CNTN4: variants seen among roughly 807,000 people sequenced by gnomAD.
CNTN4 encodes contactin 4.
A neutral mutation model predicts 122.5 loss-of-function variants in CNTN4; 77 were observed. The observed-to-expected ratio is 0.63, with a 90% CI of 0.52 to 0.76. The LOEUF (loss-of-function observed/expected upper bound fraction) is 0.76, where lower values mean the gene tolerates loss of function less well. Ranked by LOEUF, CNTN4 falls within the 30% of genes least tolerant of loss-of-function variation. The pLI is 0.00. For synonymous variants in CNTN4, 512 were observed against 447.0 expected (o/e 1.15, Z -1.83); for missense variants, 1,256 against 1,259.1 (o/e 1.00, Z 0.04).
intron 4 of CNTN4, among the ~76,000 whole-genome samples, chr3:2,712,123 A>G (rs2087187682): frequency 6.6e-6 from 1 of 152,212 alleles, no homozygotes; most frequent in African/African-American, 2.4e-5. Flanking sequence ...AGAAATATGG[A>G]AAGTTGTTAT....
chr3:2,634,601 C>T (rs987326372), intron 4 of CNTN4, among the ~76,000 whole-genome samples: 5 of 151,186 alleles, frequency 3.3e-5, no homozygotes, highest in Non-Finnish European at 7.4e-5. Flanking sequence ...GAGGCCAAGG[C>T]AGGTGGGTCA....
intron 12 of CNTN4, among the ~76,000 whole-genome samples, chr3:2,918,835 C>T (rs186890118): frequency 2.6e-5 from 4 of 152,234 alleles, no homozygotes; most frequent in African/African-American, 9.6e-5. Flanking sequence ...TGGAAGTTCA[C>T]GAAGCCATTC....
At chr3:2,340,189 T>C (rs1470137184) in intron 3 of CNTN4, among the ~76,000 whole-genome samples, 1 of 152,200 alleles carries the variant, frequency 6.6e-6, no homozygotes, top group Non-Finnish European at 1.5e-5. Context: ...TTTAGGGACA[T>C]CTAATTCACT....
chr3:2,191,646 C>A (rs896063193), intron 2 of CNTN4, among the ~76,000 whole-genome samples: 3 of 151,934 alleles, frequency 2.0e-5, no homozygotes, highest in Middle Eastern at 3.4e-3. Flanking sequence ...CAACTGCCTA[C>A]AACTGAACTG....
At chr3:2,735,200 T>G (rs1022202601) in intron 4 of CNTN4, among the ~76,000 whole-genome samples, 5 of 152,150 alleles carry the variant, frequency 3.3e-5, no homozygotes, top group African/African-American at 1.2e-4. Context: ...AAAATTATAT[T>G]AAAGAAAAAG....
rs184363341 is a variant in CNTN4, at chr3:2,204,132, A to G, written c.-145+103493A>G. On this transcript the variant is annotated intron_variant, in intron 2 of 24. Coordinates refer to ENST00000418658, the MANE Select transcript of CNTN4 (RefSeq NM_175607.3). ...TGAGTTTTTATATTCATTCATTGTT[A>G]TATTCCATCAGGAGTCATGTGAATA... is the stretch of plus-strand genomic sequence containing the variant. Among the ~76,000 whole-genome samples the G allele has an allele frequency of 3.4e-3, 524 of 152,290 alleles. 17 individuals are homozygous for G. Among genetic ancestry groups the G allele is most frequent in the Admixed American group, 0.033 (501 of 15,272 alleles).
intron 4 of CNTN4, among the ~76,000 whole-genome samples, chr3:2,633,884 G>GTTT: frequency 6.6e-6 from 1 of 152,298 alleles, no homozygotes; most frequent in South Asian, 2.1e-4. Flanking sequence ...GAGTAAAGTA[G>GTTT]TATAGTGGAA....
At chr3:2,979,315 C>G (rs1329495088) in intron 13 of CNTN4, among the ~76,000 whole-genome samples, 1 of 151,868 alleles carries the variant, frequency 6.6e-6, no homozygotes, top group Admixed American at 6.6e-5. Context: ...AGGTAAAAGG[C>G]TATATTTGCA....
chr3:2,352,015 A>G (rs2044645601), intron 3 of CNTN4, among the ~76,000 whole-genome samples: 1 of 152,190 alleles, frequency 6.6e-6, no homozygotes. Context: ...GCTCAGTTTA[A>G]TCATTTTTGA....
intron 3 of CNTN4, among the ~76,000 whole-genome samples, chr3:2,428,350 T>A (rs1326790579): frequency 6.6e-6 from 1 of 152,202 alleles, no homozygotes; most frequent in Non-Finnish European, 1.5e-5. Flanking sequence ...TGGCTGGATA[T>A]GAAATTCTGG....
rs192304818 is a variant in CNTN4, at chr3:2,189,809, A to T, written c.-145+89170A>T. Among the ~76,000 whole-genome samples, 1,216 of 152,306 alleles carry T rather than the reference A, an allele frequency of 8.0e-3. 3 individuals are homozygous for T. The highest frequency in any genetic ancestry group is 0.013 in the Non-Finnish European group (913 of 68,022). Reference sequence around the variant, plus strand: ...TGTGAAACTCTAATAACGAACTTTCAGTGAGTGATTCTCAGGTTACTCTCT... The same window carrying T: ...TGTGAAACTCTAATAACGAACTTTCTGTGAGTGATTCTCAGGTTACTCTCT... On this transcript the variant is annotated intron_variant, in intron 2 of 24. Transcript: ENST00000418658.
In CNTN4 at chr3:2,736,179, A is replaced by G; in HGVS notation, c.56-36A>G. 3 of 1,606,696 alleles carry G rather than the reference A, an allele frequency of 1.9e-6. No individual in the cohort carries two copies. In the South Asian group the frequency reaches 3.3e-5, roughly 18 times the overall value. ...CTGTTGTTGTTCCTATTTGGAAGGGATTCTTCATTTTGGACATTTTCTCTT... is the reference window on the plus strand; with the variant it reads ...CTGTTGTTGTTCCTATTTGGAAGGGGTTCTTCATTTTGGACATTTTCTCTT... On this transcript the variant is annotated intron_variant, in intron 4 of 24. Coordinates refer to ENST00000418658, the MANE Select transcript of CNTN4 (RefSeq NM_175607.3).
In CNTN4 at chr3:2,760,985, T is replaced by C. The variant is rs1160466454; in HGVS notation, c.358+15288T>C. On this transcript the variant is annotated intron_variant, in intron 6 of 24. Transcript: ENST00000418658. ...GAGAAGAAATATTTTTCTCTAGGCA[T>C]GAAAATCCTAGGAGAACTGTTAAAT... is the stretch of plus-strand genomic sequence containing the variant. 2.0e-5 allele frequency among the ~76,000 whole-genome samples: 3 copies of C among 152,202 alleles called. No homozygotes were observed. In the East Asian group the frequency reaches 5.8e-4, roughly 29 times the overall value.
At chr3:2,847,869 C>T (rs572923978) in intron 7 of CNTN4, among the ~76,000 whole-genome samples, 6 of 152,250 alleles carry the variant, frequency 3.9e-5, no homozygotes, top group South Asian at 2.1e-4. Context: ...ATGCTCTTAC[C>T]GGGGCCGACT....
chr3:2,768,605 G>A (rs533884833), intron 6 of CNTN4, among the ~76,000 whole-genome samples: 1 of 152,176 alleles, frequency 6.6e-6, no homozygotes, highest in East Asian at 1.9e-4. Flanking sequence ...ACTTTATAAT[G>A]GCACTTAGGC....
chr3:2,361,616 T>C (rs2045145467), intron 3 of CNTN4, among the ~76,000 whole-genome samples: 1 of 152,210 alleles, frequency 6.6e-6, no homozygotes, highest in Non-Finnish European at 1.5e-5. Flanking sequence ...TCCAACTGTA[T>C]TGGAATAAGA....
At chr3:2,724,442 A>G (rs1429101747) in intron 4 of CNTN4, among the ~76,000 whole-genome samples, 1 of 152,220 alleles carries the variant, frequency 6.6e-6, no homozygotes, top group African/African-American at 2.4e-5. Context: ...TCACACCAGA[A>G]AGAAAAGCAC....
intron 2 of CNTN4, among the ~76,000 whole-genome samples, chr3:2,172,074 C>T (rs529374988): frequency 6.6e-6 from 1 of 152,304 alleles, no homozygotes; most frequent in Admixed American, 6.5e-5. Flanking sequence ...CAGGGGAAAG[C>T]TATTTACTAA....
intron 3 of CNTN4, among the ~76,000 whole-genome samples, chr3:2,434,562 A>C (rs1012037997): frequency 6.6e-6 from 1 of 152,176 alleles, no homozygotes; most frequent in South Asian, 2.1e-4. Context: ...ACAGTGAAAG[A>C]TTAGAGTTTG....
Sources: allele counts gnomAD v4.1 joint callset (sites outside exome capture counted in the v4.1 genomes callset), GRCh38; gene constraint gnomAD v4.1.1; transcripts MANE v1.5; gene names NCBI Gene and HGNC (gene_info 2026-07-23, HGNC 2026-07-21).